Variants in RP1L1 observed in about 807,000 individuals in gnomAD.
RP1L1 encodes the protein RP1 like 1.
In RP1L1, 27 loss-of-function variants were observed where a neutral mutation model predicts 15.7. That is an observed-to-expected ratio of 1.72 (90% CI 1.27 to 2.38). The LOEUF is 2.38. RP1L1 is among the 30% of genes most tolerant of loss of function. The pLI, the probability that RP1L1 is intolerant of heterozygous loss-of-function variation, is 0.00. For synonymous variants in RP1L1, 1,813 were observed against 1,276.7 expected (o/e 1.42, Z -8.96); for missense variants, 4,798 against 3,075.9 (o/e 1.56, Z -13.24).
chr8:10,624,591 A>G (rs1269987252), intron 1 of RP1L1, among the ~76,000 whole-genome samples: 2 of 152,168 alleles, frequency 1.3e-5, no homozygotes, highest in African/African-American at 4.8e-5. Context: ...TTCTCTGACC[A>G]GCTGGGTGGT....
rs191247674 is a variant in RP1L1, at chr8:10,608,034, C to T, written c.6064G>A (p.Gly2022Ser). Residue 2022 changes from glycine (G) to serine (S), a missense_variant, in exon 4 of 4, where the codon GGT becomes AGT. Gly to Ser is a moderately conservative substitution (Grantham distance 56, BLOSUM62 0). Transcript: ENST00000382483. The part of the protein sequence containing the change: ...AEEEAQPESD[G>S]VEAQPKSEGE... The stretch of plus-strand genomic sequence containing the variant: ...TCTGACTTTGGCTGGGCCTCTACAC[C>T]GTCTGACTCTGGCTGGGCCTCCTCT... 4.1e-5 allele frequency: 66 copies of T among 1,613,094 alleles called. No homozygotes were observed. The highest frequency in any genetic ancestry group is 6.7e-5 in the East Asian group (3 of 44,716).
intron 1 of RP1L1, among the ~76,000 whole-genome samples, chr8:10,644,128 G>A (rs1007227730): frequency 3.9e-5 from 6 of 152,024 alleles, no homozygotes; most frequent in Non-Finnish European, 7.4e-5. Flanking sequence ...TCTGCCCCCT[G>A]CCATCTTAAG....
At chr8:10,626,413 C>T (rs1043795004) in intron 1 of RP1L1, among the ~76,000 whole-genome samples, 8 of 152,268 alleles carry the variant, frequency 5.3e-5, no homozygotes, top group Non-Finnish European at 1.0e-4. Context: ...GCTCACATGT[C>T]CCCAGAGAAA....
chr8:10,616,389 C>A, intron 3 of RP1L1, 57 bp downstream of exon 3: 1 of 1,611,004 alleles, frequency 6.2e-7, no homozygotes, highest in Non-Finnish European at 8.5e-7. Flanking sequence ...TCCACTCAGC[C>A]CTACTGAACC....
chr8:10,608,945 G>T lies in RP1L1; in HGVS notation c.5153C>A (p.Thr1718Lys). The T allele has an allele frequency of 6.2e-7, 1 of 1,613,988 alleles. No individual in the cohort carries two copies. The highest frequency in any genetic ancestry group is 1.3e-5 in the African/African-American group (1 of 75,048). Reference protein sequence around the residue: ...VAPGKTHTDPTSTRTVQGAEG... With the variant: ...VAPGKTHTDPKSTRTVQGAEG... ...AGCTCCCTGGACAGTCCTAGTGCTC[G>T]TGGGGTCCGTGTGGGTCTTGCCAGG... Residue 1718 changes from threonine to lysine, a missense_variant, in exon 4 of 4, where the codon ACG (threonine) becomes AAG (lysine). Transcript: ENST00000382483.
intron 1 of RP1L1, among the ~76,000 whole-genome samples, chr8:10,635,687 G>A (rs961431016): frequency 1.4e-4 from 22 of 152,200 alleles, no homozygotes; most frequent in African/African-American, 4.1e-4. Context: ...CAGAGCTATT[G>A]ATGGCCAAGA....
At chr8:10,625,110 G>A (rs895578856) in intron 1 of RP1L1, among the ~76,000 whole-genome samples, 16 of 152,316 alleles carry the variant, frequency 1.1e-4, no homozygotes, top group Admixed American at 5.9e-4. Context: ...GCAAAATCGC[G>A]TATCAGTCAC....
intron 1 of RP1L1, among the ~76,000 whole-genome samples, chr8:10,637,757 C>G (rs1005792165): frequency 1.3e-5 from 2 of 152,110 alleles, no homozygotes; most frequent in Non-Finnish European, 2.9e-5. Context: ...GTTTATTTCC[C>G]TAGGTTGGTT....
chr8:10,630,490 G>C (rs1434422469), intron 1 of RP1L1, among the ~76,000 whole-genome samples: 2 of 152,366 alleles, frequency 1.3e-5, no homozygotes, highest in Middle Eastern at 3.4e-3. Context: ...AAGTTTGAGA[G>C]TTGTCAAGGA....
rs1269426586 is a variant in RP1L1, at chr8:10,609,983, A to AC, written c.4114dup (p.Val1372GlyfsTer7). On this transcript the variant is annotated frameshift_variant, in exon 4 of 4. Transcript: ENST00000382483. LOFTEE classifies it low-confidence loss of function (END_TRUNC). ...CCCTTCTTTAACTTCCTCTAACTGC[A>AC]CCCCCTCTTCTTGCAGCCCTTCTCC... 1.2e-6 allele frequency: 2 copies of AC among 1,612,112 alleles called. No homozygotes were observed. The highest frequency in any genetic ancestry group is 1.7e-5 in the Admixed American group (1 of 59,824).
chr8:10,611,386 A>T lies in RP1L1; in HGVS notation c.2712T>A (p.Asn904Lys), dbSNP rs1235614104. 2 of 1,607,160 alleles carry T rather than the reference A, an allele frequency of 1.2e-6. No homozygotes were observed. The highest frequency in any genetic ancestry group is 4.5e-5 in the East Asian group (2 of 44,650). The change falls in exon 4 of 4, where the codon AAT (asparagine) becomes AAA (lysine). Residue 904 changes from asparagine to lysine, a missense_variant. By Grantham distance (94) the Asn-to-Lys change is moderately conservative (BLOSUM62 0). Transcript: ENST00000382483. ...QPGPTPSPGP[N>K]SGASRRSSAS... Reference sequence around the variant, plus strand: ...CACTGCTTCTCCTTGATGCCCCTGAATTGGGGCCTGGGGACGGCGTGGGGC... The same window carrying T: ...CACTGCTTCTCCTTGATGCCCCTGATTTGGGGCCTGGGGACGGCGTGGGGC...
chr8:10,607,164 T>C lies in RP1L1; in HGVS notation c.6934A>G (p.Lys2312Glu). The change falls in exon 4 of 4, where the codon AAA becomes GAA. Residue 2312 changes from lysine (K) to glutamate (E), a missense_variant. Transcript: ENST00000382483. ...AGTACATGGTCATTTTCTGAGTCTT[T>C]CTGCCAGCAGTTGCCCCAAGAGGAT... ...RASSWGNCWQ[K>E]DSENDHVLGD... is the part of the protein sequence containing the mutation. The C allele has an allele frequency of 3.1e-6, 5 of 1,614,242 alleles. No individual in the cohort carries two copies. The highest frequency in any genetic ancestry group is 4.2e-6 in the Non-Finnish European group (5 of 1,180,038).
In RP1L1 at chr8:10,607,703, A is replaced by C; in HGVS notation, c.6395T>G (p.Ile2132Arg). Reference sequence around the variant, plus strand: ...CTCCCCTTCAGCCTCTGGGGCCTCTATACCTTCTGACTCTGGCTGGGCCTC... The same window carrying C: ...CTCCCCTTCAGCCTCTGGGGCCTCTCTACCTTCTGACTCTGGCTGGGCCTC... ...EGEAQPESEG[I>R]EAPEAEGEAQ... is the part of the protein sequence containing the mutation. Residue 2132 changes from isoleucine to arginine, a missense_variant, in exon 4 of 4, where the codon ATA (isoleucine) becomes AGA (arginine). Transcript: ENST00000382483. 1.3e-6 allele frequency: 2 copies of C among 1,588,612 alleles called. No homozygotes were observed. Among genetic ancestry groups the C allele is most frequent in the Non-Finnish European group, 1.7e-6 (2 of 1,172,668 alleles).
Position 10,607,229 on chromosome 8 carries a change from T to C in RP1L1, c.6869A>G (p.Gln2290Arg). The change falls in exon 4 of 4, where the codon CAA becomes CGA. Residue 2290 changes from glutamine to arginine, a missense_variant. By Grantham distance (43) the Gln-to-Arg change is conservative. Coordinates refer to ENST00000382483, the MANE Select transcript of RP1L1 (RefSeq NM_178857.6). ...PPSPGGDTPH[Q>R]RPGSQTGPSS... ...AGGGCCTGTTTGGGAGCCTGGCCTT[T>C]GGTGGGGAGTGTCTCCACCTGGGGA... is the stretch of plus-strand genomic sequence containing the variant. 6.2e-7 allele frequency: 1 copy of C among 1,614,166 alleles called. No homozygotes were observed. The highest frequency in any genetic ancestry group is 8.5e-7 in the Non-Finnish European group (1 of 1,179,984).
chr8:10,617,073 AG>A (rs1029434387), intron 2 of RP1L1, among the ~76,000 whole-genome samples: 1 of 151,940 alleles, frequency 6.6e-6, no homozygotes, highest in Non-Finnish European at 1.5e-5. Flanking sequence ...GCCCAAGTGG[AG>A]GGGAGAGGGG....
intron 1 of RP1L1, among the ~76,000 whole-genome samples, chr8:10,627,267 T>C (rs1277681788): frequency 2.0e-5 from 3 of 151,980 alleles, no homozygotes; most frequent in African/African-American, 7.2e-5. Flanking sequence ...ATTAACAAAA[T>C]GCGATATAGA....
Position 10,611,040 on chromosome 8 carries a change from G to T in RP1L1, c.3058C>A (p.Gln1020Lys), listed in dbSNP as rs369970570. The change falls in exon 4 of 4, where the codon CAG becomes AAG. Residue 1020 changes from glutamine to lysine, a missense_variant. Physicochemically the swap from Gln to Lys is moderately conservative, Grantham distance 53. Transcript: ENST00000382483. ...GQQSLEGDPG[Q>K]DPEPEGALLG... ...AGGGCTCCCTCTGGCTCTGGGTCCT[G>T]GCCGGGGTCCCCTTCCAGGGACTGC... is the stretch of plus-strand genomic sequence containing the variant. The T allele has an allele frequency of 7.4e-6, 12 of 1,612,654 alleles. No individual in the cohort carries two copies. The African/African-American group carries it at 1.6e-4, about 22-fold the overall frequency.
chr8:10,608,168 A>T lies in RP1L1; in HGVS notation c.5930T>A (p.Val1977Glu). The T allele has an allele frequency of 6.3e-7, 1 of 1,599,982 alleles. No individual in the cohort carries two copies. The highest frequency in any genetic ancestry group is 1.1e-5 in the South Asian group (1 of 90,514). The change falls in exon 4 of 4, where the codon GTA (valine) becomes GAA (glutamate). Residue 1977 changes from valine (V) to glutamate (E), a missense_variant. Transcript: ENST00000382483. The part of the protein sequence containing the change: ...EEEAQPESED[V>E]EALEVEVETQ... ...CTCCACTTCAACCTCCAGGGCCTCT[A>T]CATCTTCTGACTCTGGCTGGGCTTC...
chr8:10,621,329 C>T (rs1340165407), intron 2 of RP1L1: 3 of 166,588 alleles, frequency 1.8e-5, no homozygotes, highest in African/African-American at 7.2e-5. Context: ...ATGATGTTAT[C>T]ATATGACTTT....
Sources: gnomAD v4.1 joint callset for allele counts (sites outside exome capture counted in the v4.1 genomes callset) on GRCh38, gnomAD v4.1.1 for gene constraint, MANE v1.5 for transcripts, NCBI Gene and HGNC (gene_info 2026-07-23, HGNC 2026-07-21) for gene names.